Variants in RNF213 observed in about 807,000 individuals in gnomAD.
RNF213 encodes ring finger protein 213.
In RNF213, 341 loss-of-function variants were observed where a neutral mutation model predicts 514.4. The ratio of observed to expected loss-of-function variants is 0.66; its 90% CI spans 0.61 to 0.73. The LOEUF is 0.73. RNF213 is among the 30% of genes least tolerant of loss of function. RNF213 has a pLI of 0.00. For missense variants in RNF213, 5,767 were observed against 6,615.6 expected, an observed-to-expected ratio of 0.87 and a Z score of 4.45; for synonymous variants, 2,655 against 2,658.2, an observed-to-expected ratio of 1.00 and a Z score of 0.04.
At chr17:80,281,341 C>G in intron 3 of RNF213, among the ~76,000 whole-genome samples, 1 of 116,534 alleles carries the variant, frequency 8.6e-6, no homozygotes. Flanking sequence ...CACGCCCCCA[C>G]ACACACACCC....
At chr17:80,368,484 G>C (rs1251377709) in intron 44 of RNF213, among the ~76,000 whole-genome samples, 2 of 149,926 alleles carry the variant, frequency 1.3e-5, no homozygotes, top group African/African-American at 4.9e-5. Context: ...CCAGGCTGGA[G>C]TACAGTGGCA....
chr17:80,344,160 C>T, intron 28 of RNF213, 145 bp downstream of exon 28: 1 of 837,782 alleles, frequency 1.2e-6, no homozygotes. Flanking sequence ...TAAAGAAAAG[C>T]CCATCTTTAA....
chr17:80,355,150 C>G (rs1414603005), intron 36 of RNF213: 2 of 455,798 alleles, frequency 4.4e-6, no homozygotes, highest in Non-Finnish European at 8.8e-6. Flanking sequence ...TGCCTGAAAG[C>G]CTAAGAAACC....
chr17:80,274,359 G>T (rs1010358114), intron 3 of RNF213, among the ~76,000 whole-genome samples: 5 of 150,946 alleles, frequency 3.3e-5, no homozygotes, highest in Admixed American at 6.6e-5. Context: ...GAGCGTCCTG[G>T]ACATGTTCAA....
At position 80,352,949 on chromosome 17, in the gene RNF213, A is replaced by C. The variant is rs2078584456; in HGVS notation, c.10313A>C (p.Gln3438Pro). The C allele has an allele frequency of 3.1e-6, 5 of 1,613,952 alleles. No homozygotes were observed. Among genetic ancestry groups the C allele is most frequent in the African/African-American group, 1.3e-5 (1 of 74,942 alleles). The change falls in exon 33 of 68, where the codon CAG becomes CCG. Residue 3438 changes from glutamine (Q) to proline (P), a missense_variant. Around this residue, in one of 13 missense-constraint regions of RNF213, gnomAD observed 919 missense variants for 1,121.0 expected, o/e 0.82. Coordinates refer to ENST00000582970, the MANE Select transcript of RNF213 (RefSeq NM_001256071.3). ...GCTTCACTCTTCACAGGGCTGTGGC[A>C]GTCTGTCCACATCGATGACCTCCGG... ...AYVGFHGGLW[Q>P]SVHIDDLRRS...
intron 46 of RNF213, 107 bp from the exon 47 acceptor site, chr17:80,371,767 T>C (rs1599161815): frequency 4.5e-6 from 3 of 668,280 alleles, no homozygotes; most frequent in Admixed American, 4.7e-5. Flanking sequence ...TATATGTTTA[T>C]ACACACACAC....
Position 80,328,312 on chromosome 17 carries a change from T to C in RNF213, c.3368-16T>C, listed in dbSNP as rs532090952. ...TTGCTGTATTGGGTTACTTTATTGGTGTTCTTATTTTCCAGGGGAAAAAAG... is the reference window on the plus strand; with the variant it reads ...TTGCTGTATTGGGTTACTTTATTGGCGTTCTTATTTTCCAGGGGAAAAAAG... On this transcript the variant is annotated splice_polypyrimidine_tract_variant and intron_variant, in intron 19 of 67. Transcript: ENST00000582970. The C allele has an allele frequency of 1.4e-4, 211 of 1,533,454 alleles. No homozygotes were observed. The South Asian group carries it at 2.4e-3, about 17-fold the overall frequency. 95.0% of individuals were successfully genotyped at this position (1,533,454 alleles called of 1,614,324 possible). A position where few individuals can be genotyped will look rare whatever the true frequency, so the allele number is the denominator to read the frequency against.
chr17:80,347,975 C>T lies in RNF213; in HGVS notation c.9640C>T (p.Pro3214Ser), dbSNP rs1468765005. ...HHFQKRHKYS[P>S]SDVFIGYHSD... ...TTTCCAGAAGAGGCACAAATACAGC[C>T]CCTCTGACGTCTTCATCGGCTACCA... is the stretch of plus-strand genomic sequence containing the variant. Residue 3214 changes from proline (P) to serine (S), a missense_variant, in exon 29 of 68, where the codon CCC becomes TCC. Coordinates refer to ENST00000582970, the MANE Select transcript of RNF213 (RefSeq NM_001256071.3). The surrounding 1 kb of genome is among the most constrained non-coding windows in gnomAD (Gnocchi z 7.2). The T allele has an allele frequency of 1.9e-6, 3 of 1,614,048 alleles. No homozygotes were observed. The African/African-American group carries it at 4.0e-5, about 22-fold the overall frequency.
chr17:80,290,383 G>A (rs893784378), intron 6 of RNF213, among the ~76,000 whole-genome samples, 187 bp from the exon 7 acceptor site: 1 of 151,470 alleles, frequency 6.6e-6, no homozygotes, highest in African/African-American at 2.4e-5. Flanking sequence ...GTGCGTGCAC[G>A]TGTGTGCGTG....
chr17:80,348,850 G>A (rs1368684767), intron 29 of RNF213, among the ~76,000 whole-genome samples: 1 of 152,204 alleles, frequency 6.6e-6, no homozygotes, highest in African/African-American at 2.4e-5. Flanking sequence ...GAGATGGGGC[G>A]ATGAGGTGCA....
intron 20 of RNF213, among the ~76,000 whole-genome samples, chr17:80,330,370 G>A (rs2046382087): frequency 6.6e-6 from 1 of 152,206 alleles, no homozygotes; most frequent in African/African-American, 2.4e-5. Flanking sequence ...GCCCTCTGCG[G>A]GGTGCTGCCG....
chr17:80,313,804 AGGTAATGGAGGTGATGGT>A (rs1461960784), intron 15 of RNF213, among the ~76,000 whole-genome samples: 57 of 53,090 alleles, frequency 1.1e-3, no homozygotes, highest in South Asian at 1.7e-3. Context: ...GTGATGGTGG[AGGTAATGGAGGTGATGGT>A]GGTGGTGGAG....
At chr17:80,373,433 T>C (rs929866831) in intron 49 of RNF213, among the ~76,000 whole-genome samples, 1 of 151,770 alleles carries the variant, frequency 6.6e-6, no homozygotes, top group African/African-American at 2.4e-5. Context: ...GTCTGTCTGG[T>C]CCTTTGTCTC....
chr17:80,283,803 G>A (rs970018507), intron 3 of RNF213, among the ~76,000 whole-genome samples: 33 of 152,342 alleles, frequency 2.2e-4, no homozygotes, highest in East Asian at 3.9e-4. Flanking sequence ...AGGATTCTCC[G>A]TCTATTTCTG....
chr17:80,392,647 T>C (rs2080523531), intron 67 of RNF213, among the ~76,000 whole-genome samples: 1 of 151,692 alleles, frequency 6.6e-6, no homozygotes, highest in African/African-American at 2.4e-5. Flanking sequence ...TGGAGTGCAG[T>C]GGTGCAATCT....
Position 80,306,270 on chromosome 17 carries a change from T to G in RNF213, c.2229T>G (p.Phe743Leu), listed in dbSNP as rs767001783. Residue 743 changes from phenylalanine (F) to leucine (L), a missense_variant, in exon 12 of 68, where the codon TTT (phenylalanine) becomes TTG (leucine). Around this residue, in one of 13 missense-constraint regions of RNF213, gnomAD observed 592 missense variants for 673.9 expected, o/e 0.88. Coordinates refer to ENST00000582970, the MANE Select transcript of RNF213 (RefSeq NM_001256071.3). ...QMLDTSSLLQ[F>L]MREKQHLLSI... is the part of the protein sequence containing the mutation. The stretch of plus-strand genomic sequence containing the variant: ...TATGCAGGAGTTCCCTACTTCAGTT[T>G]ATGAGAGAGAAGCAGCATTTGCTGA... 6.2e-7 allele frequency: 1 copy of G among 1,614,070 alleles called. No homozygotes were observed. Among genetic ancestry groups the G allele is most frequent in the African/African-American group, 1.3e-5 (1 of 74,922 alleles).
intron 20 of RNF213, among the ~76,000 whole-genome samples, chr17:80,330,465 G>C (rs1469663423): frequency 1.3e-5 from 2 of 152,202 alleles, no homozygotes; most frequent in Non-Finnish European, 2.9e-5. Context: ...CTGGCTGCCA[G>C]GTTTCTGGGA....
rs373444242 is a variant in RNF213 at position 80,340,128 on chromosome 17, C to T, written c.5761C>T (p.Arg1921Ter). Residue 1921 changes from arginine (R) to a stop codon, truncating the protein, a stop_gained, in exon 26 of 68, where the codon CGA (arginine) becomes TGA (stop). Transcript: ENST00000582970. LOFTEE classifies it high-confidence loss of function. Reference protein sequence around the residue: ...LFHNLCTQQHREDYQLVMVCD... With the variant: ...LFHNLCTQQH ...CCACAATCTGTGCACGCAGCAGCAC[C>T]GAGAAGACTACCAGCTCGTCATGGT... 3.7e-6 allele frequency: 6 copies of T among 1,613,540 alleles called. No homozygotes were observed. The highest frequency in any genetic ancestry group is 1.1e-5 in the South Asian group (1 of 91,050).
intron 36 of RNF213, 67 bp from the exon 37 acceptor site, chr17:80,358,220 CA>C: frequency 7.1e-7 from 1 of 1,409,618 alleles, no homozygotes; most frequent in South Asian, 1.2e-5. Context: ...AACAAAATGT[CA>C]AAAGGTGGCA....
Sources: allele counts gnomAD v4.1 joint callset (sites outside exome capture counted in the v4.1 genomes callset), GRCh38; gene constraint gnomAD v4.1.1; regional missense constraint gnomAD v4.1.1; non-coding constraint Gnocchi (gnomAD v3.1); transcripts MANE v1.5; gene names NCBI Gene and HGNC (gene_info 2026-07-23, HGNC 2026-07-21).